Variants in TFPI observed in about 807,000 individuals in gnomAD.
TFPI encodes the protein tissue factor pathway inhibitor, also known as anti-convertin.
TFPI carries 15 observed loss-of-function variants against 34.6 expected under a neutral mutation model. The observed-to-expected ratio is 0.43, with a 90% CI of 0.29 to 0.67. The LOEUF is 0.67. Among genes scored for constraint, TFPI ranks in the 30% least tolerant of loss-of-function variants. The probability of loss-of-function intolerance (pLI) is 0.15; values close to 1 mark genes in which losing one functional copy is unlikely to be tolerated. For missense variants in TFPI, 301 were observed against 364.0 expected, an observed-to-expected ratio of 0.83 and a Z score of 1.41; for synonymous variants, 105 against 120.1, an observed-to-expected ratio of 0.87 and a Z score of 0.82.
At chr2:187,527,620 A>G (rs1026335107) in intron 1 of TFPI, among the ~76,000 whole-genome samples, 1 of 152,178 alleles carries the variant, frequency 6.6e-6, no homozygotes, top group South Asian at 2.1e-4. Flanking sequence ...TTTGGCATTA[A>G]GGTTCTTTAT....
intron 1 of TFPI, among the ~76,000 whole-genome samples, chr2:187,509,332 T>G (rs963098439): frequency 6.6e-6 from 1 of 152,188 alleles, no homozygotes; most frequent in Non-Finnish European, 1.5e-5. Context: ...TAGGGAGGTG[T>G]CCCTCTTTTT....
intron 1 of TFPI, chr2:187,518,402 T>A (rs1445976696): frequency 6.6e-6 from 1 of 152,224 alleles, no homozygotes; most frequent in Non-Finnish European, 1.5e-5. Context: ...CTTATGAAGC[T>A]TAATTTGGCT....
chr2:187,485,760 A>C (rs547843923), intron 4 of TFPI, among the ~76,000 whole-genome samples: 1 of 151,752 alleles, frequency 6.6e-6, no homozygotes, highest in Admixed American at 6.6e-5. Flanking sequence ...ACATGCATGC[A>C]CTGTGAAAAG....
chr2:187,467,056 A>G lies in TFPI; in HGVS notation c.809-14T>C, dbSNP rs776201921. 14 of 1,461,638 alleles carry G rather than the reference A, an allele frequency of 9.6e-6. No homozygotes were observed. The highest frequency in any genetic ancestry group is 1.3e-5 in the Non-Finnish European group (14 of 1,064,070). 90.5% of individuals were successfully genotyped at this position (1,461,638 alleles called of 1,614,324 possible). ...TTTGGATGAAACCTATAAGAGGAAG[A>G]GGAATAAATTAATGTGTGATAAAAT... is the stretch of plus-strand genomic sequence containing the variant. On this transcript the variant is annotated splice_polypyrimidine_tract_variant and intron_variant, in intron 7 of 7. Coordinates refer to ENST00000233156, the MANE Select transcript of TFPI (RefSeq NM_006287.6).
At chr2:187,549,151 C>T (rs1362910132) in intron 1 of TFPI, among the ~76,000 whole-genome samples, 3 of 152,036 alleles carry the variant, frequency 2.0e-5, no homozygotes, top group African/African-American at 7.2e-5. Flanking sequence ...ATAGCTACAA[C>T]ATCAAATTCC....
chr2:187,481,976 CAAT>C lies in TFPI; in HGVS notation c.628+2145_628+2147del, dbSNP rs1458893864. ...TTACAATTTTCAATGTGCATCTACA[CAAT>C]AAACTAAAGAAGACATATCAGAGGC... On this transcript the variant is annotated intron_variant, in intron 6 of 7. Transcript: ENST00000233156. 1.6e-4 allele frequency among the ~76,000 whole-genome samples: 24 copies of C among 151,908 alleles called. 1 individual carries two copies. The highest frequency in any genetic ancestry group is 1.6e-3 in the Admixed American group (24 of 15,218).
At chr2:187,525,883 T>G (rs1011419239) in intron 1 of TFPI, among the ~76,000 whole-genome samples, 4 of 152,100 alleles carry the variant, frequency 2.6e-5, no homozygotes, top group Non-Finnish European at 5.9e-5. Flanking sequence ...CCTAGCCAAC[T>G]AAAACAGACT....
At chr2:187,509,771 A>G (rs1686492251) in intron 1 of TFPI, among the ~76,000 whole-genome samples, 1 of 152,092 alleles carries the variant, frequency 6.6e-6, no homozygotes, top group Non-Finnish European at 1.5e-5. Context: ...GATTTTTGAA[A>G]GGTTTTTCCT....
chr2:187,473,271 G>A (rs1244006959), intron 6 of TFPI, among the ~76,000 whole-genome samples: 1 of 152,078 alleles, frequency 6.6e-6, no homozygotes, highest in Non-Finnish European at 1.5e-5. Flanking sequence ...TTACTATAGA[G>A]ATAGCTTTAT....
chr2:187,495,838 G>T (rs1429008631), intron 3 of TFPI, among the ~76,000 whole-genome samples: 2 of 152,008 alleles, frequency 1.3e-5, no homozygotes, highest in Non-Finnish European at 2.9e-5. Flanking sequence ...CTACGAACAT[G>T]CTATGGTAGA....
intron 1 of TFPI, among the ~76,000 whole-genome samples, chr2:187,523,901 C>T (rs1452441701): frequency 1.3e-5 from 2 of 152,064 alleles, no homozygotes; most frequent in East Asian, 3.8e-4. Context: ...GCTTCACCCT[C>T]TTCCCTTAAA....
intron 4 of TFPI, among the ~76,000 whole-genome samples, chr2:187,487,288 T>A (rs1693343332): frequency 6.6e-6 from 1 of 151,314 alleles, no homozygotes; most frequent in Non-Finnish European, 1.5e-5. Flanking sequence ...AACATTTTGG[T>A]CAAGATTATT....
chr2:187,550,380 T>C (rs1407935664), intron 1 of TFPI, among the ~76,000 whole-genome samples: 1 of 152,122 alleles, frequency 6.6e-6, no homozygotes, highest in Non-Finnish European at 1.5e-5. Flanking sequence ...AGGAAAAAAT[T>C]AACCATAGAA....
In TFPI at chr2:187,484,864, T is replaced by G; in HGVS notation, c.482A>C (p.Asn161Thr). Residue 161 changes from asparagine (N) to threonine (T), a missense_variant, in exon 5 of 8, where the codon AAT becomes ACT. Coordinates refer to ENST00000233156, the MANE Select transcript of TFPI (RefSeq NM_006287.6). ...TTCCAGTGTCTCAAAATTGTTCATA[T>G]TGCCCAGGCATCCACCATACTTGAA... is the stretch of plus-strand genomic sequence containing the variant. ...ERFKYGGCLG[N>T]MNNFETLEEC... 7.5e-6 allele frequency: 12 copies of G among 1,593,768 alleles called. No homozygotes were observed. The highest frequency in any genetic ancestry group is 1.0e-5 in the Non-Finnish European group (12 of 1,172,800).
intron 1 of TFPI, among the ~76,000 whole-genome samples, chr2:187,524,221 A>G (rs866308674): frequency 6.6e-6 from 1 of 152,090 alleles, no homozygotes; most frequent in South Asian, 2.1e-4. Context: ...ATTTGTATAC[A>G]AGTTTTGGTG....
intron 1 of TFPI, among the ~76,000 whole-genome samples, chr2:187,508,561 CTT>C (rs1216102396): frequency 6.6e-6 from 1 of 152,140 alleles, no homozygotes; most frequent in Non-Finnish European, 1.5e-5. Flanking sequence ...ATTTTATTCT[CTT>C]TGTCGCAATT....
intron 4 of TFPI, 105 bp downstream of exon 4, chr2:187,488,232 T>C (rs1257163868): frequency 2.4e-6 from 2 of 841,268 alleles, no homozygotes; most frequent in South Asian, 1.8e-5. Context: ...TGAATATCTA[T>C]ACTGAATCAG....
intron 1 of TFPI, chr2:187,517,673 T>G (rs60717665): frequency 0.15 from 22,893 of 152,148 alleles, 2,406 homozygotes; most frequent in East Asian, 0.35. Flanking sequence ...GGTCCAGAGC[T>G]GAGTTCAAGT....
intron 4 of TFPI, among the ~76,000 whole-genome samples, chr2:187,487,395 T>C (rs1482603848): frequency 6.6e-6 from 1 of 151,476 alleles, no homozygotes; most frequent in African/African-American, 2.4e-5. Flanking sequence ...TACATTTTGA[T>C]TCCAATTCTG....
Sources: allele counts gnomAD v4.1 joint callset (sites outside exome capture counted in the v4.1 genomes callset), GRCh38; gene constraint gnomAD v4.1.1; transcripts MANE v1.5; gene names NCBI Gene and HGNC (gene_info 2026-07-23, HGNC 2026-07-21).